Variants in FRMD4A observed in about 807,000 individuals in gnomAD.
The protein encoded by FRMD4A is FERM domain-containing protein 4A.
In FRMD4A, 29 loss-of-function variants were observed where a neutral mutation model predicts 129.1. The observed-to-expected ratio is 0.22, with a 90% CI of 0.17 to 0.31. FRMD4A has a LOEUF of 0.31. Among genes scored for constraint, FRMD4A ranks in the 10% least tolerant of loss-of-function variants. The pLI, the probability that FRMD4A is intolerant of heterozygous loss-of-function variation, is 1.00. For missense variants in FRMD4A, 1,272 were observed against 1,375.8 expected, an observed-to-expected ratio of 0.92 and a Z score of 1.19; for synonymous variants, 634 against 571.6, an observed-to-expected ratio of 1.11 and a Z score of -1.56.
At chr10:13,673,667 A>C (rs1239536974) in intron 16 of FRMD4A, among the ~76,000 whole-genome samples, 1 of 152,218 alleles carries the variant, frequency 6.6e-6, no homozygotes. Flanking sequence ...ATAGTCATGA[A>C]ATAAACAGAC....
At position 13,657,068 on chromosome 10, in the gene FRMD4A, T is replaced by G. The variant is rs375307892; in HGVS notation, c.2521A>C (p.Ile841Leu). 6.3e-7 allele frequency: 1 copy of G among 1,576,550 alleles called. No homozygotes were observed. Among genetic ancestry groups the G allele is most frequent in the African/African-American group, 1.4e-5 (1 of 72,686 alleles). ...ACCACGGGCGTGGCGCCGCCCTCGA[T>G]GTACAGCGGGTACTCCTTGATGCGG... ...QYRIKEYPLY[I>L]EGGATPVVVR... The change falls in exon 22 of 25, where the codon ATC becomes CTC. Residue 841 changes from isoleucine to leucine, a missense_variant. Physicochemically the swap from Ile to Leu is conservative, Grantham distance 5. Around this residue, in one of 2 missense-constraint regions of FRMD4A, gnomAD observed 972 missense variants for 892.3 expected, o/e 1.09. Coordinates refer to ENST00000357447, the MANE Select transcript of FRMD4A (RefSeq NM_018027.5).
chr10:13,798,370 C>G (rs2093170238), intron 4 of FRMD4A, among the ~76,000 whole-genome samples: 1 of 151,812 alleles, frequency 6.6e-6, no homozygotes, highest in African/African-American at 2.4e-5. Flanking sequence ...TGAGATCGCG[C>G]CATTGCACTC....
intron 2 of FRMD4A, among the ~76,000 whole-genome samples, chr10:13,967,612 G>A (rs867458742): frequency 6.6e-6 from 1 of 152,220 alleles, no homozygotes; most frequent in South Asian, 2.1e-4. Flanking sequence ...CAAGCCATGG[G>A]CTTAATTTGA....
At chr10:13,962,042 T>C (rs1228872266) in intron 2 of FRMD4A, among the ~76,000 whole-genome samples, 1,723 of 10,418 alleles carry the variant, frequency 0.17, 33 homozygotes, top group African/African-American at 0.31. Flanking sequence ...AACACACGAA[T>C]GAATGAATGA....
chr10:13,836,839 G>A (rs907036637), intron 3 of FRMD4A, among the ~76,000 whole-genome samples: 2 of 144,044 alleles, frequency 1.4e-5, no homozygotes, highest in African/African-American at 5.2e-5. Flanking sequence ...CTCACTGCAA[G>A]CTCTGCCTCC....
chr10:13,773,361 C>A (rs988702573), intron 6 of FRMD4A, among the ~76,000 whole-genome samples: 1 of 152,218 alleles, frequency 6.6e-6, no homozygotes, highest in Admixed American at 6.5e-5. Flanking sequence ...ACAGCCCTTT[C>A]TCCTAGTTAG....
chr10:14,219,832 C>T lies in FRMD4A; in HGVS notation c.45+110226G>A, dbSNP rs148175379. 1.7e-3 allele frequency among the ~76,000 whole-genome samples: 252 copies of T among 152,232 alleles called. 1 individual carries two copies. Among genetic ancestry groups the T allele is most frequent in the African/African-American group, 5.9e-3 (247 of 41,534 alleles). ...GGAGAAATGATGTTTTTGGTCAAGA[C>T]TTGAATTTTTTCAGATGTTTAATCA... On this transcript the variant is annotated intron_variant, in intron 2 of 24. Coordinates refer to ENST00000357447, the MANE Select transcript of FRMD4A (RefSeq NM_018027.5).
rs747061195 is a variant in FRMD4A at position 13,858,922 on chromosome 10, A to G, written c.46-10T>C. On this transcript the variant is annotated splice_polypyrimidine_tract_variant and intron_variant, in intron 2 of 24. Coordinates refer to ENST00000357447, the MANE Select transcript of FRMD4A (RefSeq NM_018027.5). ...GGCGGCCCTCCGTCATCTAAGAGGG[A>G]AGAGAAATGGTAGTCACTGAGAGTC... is the stretch of plus-strand genomic sequence containing the variant. The G allele has an allele frequency of 6.4e-6, 10 of 1,558,814 alleles. No homozygotes were observed. In the East Asian group the frequency reaches 2.2e-4, roughly 35 times the overall value.
chr10:13,975,976 G>T (rs2095540908), intron 2 of FRMD4A, among the ~76,000 whole-genome samples: 9 of 152,158 alleles, frequency 5.9e-5, no homozygotes, highest in Admixed American at 5.9e-4. Flanking sequence ...CTTCTAGGTA[G>T]TTTACCACTT....
At chr10:14,148,777 A>G (rs1274133321) in intron 2 of FRMD4A, among the ~76,000 whole-genome samples, 1 of 151,686 alleles carries the variant, frequency 6.6e-6, no homozygotes, top group Admixed American at 6.6e-5. Context: ...AAAAAAAAAG[A>G]AAAGAAACAA....
intron 2 of FRMD4A, among the ~76,000 whole-genome samples, chr10:14,274,699 CTCT>C (rs1845279229): frequency 6.6e-6 from 1 of 152,114 alleles, no homozygotes; most frequent in African/African-American, 2.4e-5. Flanking sequence ...GAGGAGGATC[CTCT>C]CCCACCTCTT....
chr10:14,137,276 T>G (rs916312080), intron 2 of FRMD4A, among the ~76,000 whole-genome samples: 1 of 152,248 alleles, frequency 6.6e-6, no homozygotes, highest in Non-Finnish European at 1.5e-5. Context: ...AGTGGAAGGA[T>G]GCATCCTGAC....
At chr10:14,252,494 C>T (rs887271995) in intron 2 of FRMD4A, among the ~76,000 whole-genome samples, 1 of 152,298 alleles carries the variant, frequency 6.6e-6, no homozygotes, top group East Asian at 1.9e-4. Flanking sequence ...AGAGCATAGG[C>T]CAAGCATTTT....
rs66980805 is a variant in FRMD4A at position 13,925,566 on chromosome 10, C to CTTTTTTTTTTTTTTTTTTTTTTTTTTTTT, written c.46-66683_46-66655dup. On this transcript the variant is annotated intron_variant, in intron 2 of 24. Transcript: ENST00000357447. ...TGAAAGTTTCTATTGTAGTGAAACG[C>CTTTTTTTTTTTTTTTTTTTTTTTTTTTTT]TTTTTTTTTTTTTTTTTTTTTTTTT... 6.5e-5 allele frequency among the ~76,000 whole-genome samples: 4 copies of CTTTTTTTTTTTTTTTTTTTTTTTTTTTTT among 61,948 alleles called. 1 individual carries two copies. Among genetic ancestry groups the CTTTTTTTTTTTTTTTTTTTTTTTTTTTTT allele is most frequent in the Non-Finnish European group, 5.3e-5 (2 of 37,614 alleles). 40.6% of individuals were successfully genotyped at this position (61,948 alleles called of 152,430 possible).
At chr10:14,222,288 C>T (rs915410886) in intron 2 of FRMD4A, among the ~76,000 whole-genome samples, 3 of 152,186 alleles carry the variant, frequency 2.0e-5, no homozygotes, top group African/African-American at 7.2e-5. Flanking sequence ...CTCAGTGAGC[C>T]TTGCTTAGCA....
intron 2 of FRMD4A, among the ~76,000 whole-genome samples, chr10:13,871,725 G>A (rs1048277011): frequency 6.6e-6 from 1 of 152,216 alleles, no homozygotes; most frequent in Non-Finnish European, 1.5e-5. Flanking sequence ...ACAGCTGTTA[G>A]ATCCTCTTGC....
At chr10:13,903,062 C>T (rs1324086392) in intron 2 of FRMD4A, among the ~76,000 whole-genome samples, 2 of 152,140 alleles carry the variant, frequency 1.3e-5, no homozygotes, top group Non-Finnish European at 2.9e-5. Flanking sequence ...TGTCTTTACG[C>T]TTGTGCTAGC....
intron 2 of FRMD4A, among the ~76,000 whole-genome samples, chr10:13,968,964 G>T (rs2095501781): frequency 6.6e-6 from 1 of 152,204 alleles, no homozygotes; most frequent in Non-Finnish European, 1.5e-5. Context: ...GTGAGACTAT[G>T]AAGAATGGAA....
chr10:13,750,089 A>AAAAG (rs1398808690), intron 8 of FRMD4A, among the ~76,000 whole-genome samples: 1 of 81,830 alleles, frequency 1.2e-5, no homozygotes. Flanking sequence ...AGAAAGAAAG[A>AAAAG]AAGAAAGAAA....
Sources: allele counts gnomAD v4.1 joint callset (sites outside exome capture counted in the v4.1 genomes callset), GRCh38; gene constraint gnomAD v4.1.1; regional missense constraint gnomAD v4.1.1; transcripts MANE v1.5; gene names NCBI Gene and HGNC (gene_info 2026-07-23, HGNC 2026-07-21).